MTAP: variants seen among roughly 807,000 people sequenced by gnomAD.
The protein encoded by MTAP is methylthioadenosine phosphorylase, also known as S-methyl-5'-thioadenosine phosphorylase.
In MTAP, 33 loss-of-function variants were observed where a neutral mutation model predicts 33.6. The ratio of observed to expected loss-of-function variants is 0.98; its 90% confidence interval spans 0.74 to 1.31. The LOEUF (loss-of-function observed/expected upper bound fraction) is 1.31. Among genes scored for constraint, MTAP ranks in the 40% most tolerant of loss-of-function variants. MTAP has a pLI of 0.00. For missense variants in MTAP, 367 were observed against 360.0 expected, an observed-to-expected ratio of 1.02 and a Z score of -0.16; for synonymous variants, 148 against 125.7, an observed-to-expected ratio of 1.18 and a Z score of -1.19.
intron 1 of MTAP, among the ~76,000 whole-genome samples, chr9:21,918,210 C>T (rs10811636): frequency 0.28 from 39,585 of 141,224 alleles, 7,576 homozygotes; most frequent in East Asian, 0.56. Context: ...ATTAGCCGGG[C>T]GTAGTGGCGG....
chr9:21,815,589 T>C (rs779609866), intron 2 of MTAP, 70 bp downstream of exon 2: 2 of 647,548 alleles, frequency 3.1e-6, no homozygotes, highest in African/African-American at 6.6e-5. Flanking sequence ...GATTTTTGAA[T>C]TAAAAAAAAA....
chr9:21,816,821 A>G, intron 3 of MTAP, 49 bp downstream of exon 3: 2 of 1,485,862 alleles, frequency 1.3e-6, no homozygotes, highest in Non-Finnish European at 1.8e-6. Flanking sequence ...GATAATTTAA[A>G]TTTAACTTAA....
chr9:21,896,536 A>T (rs989233460), intron 1 of MTAP, among the ~76,000 whole-genome samples: 1 of 152,110 alleles, frequency 6.6e-6, no homozygotes, highest in African/African-American at 2.4e-5. Flanking sequence ...TAGATGCAAT[A>T]AAAAATGATA....
At chr9:21,915,371 G>A (rs766364037) in intron 1 of MTAP, among the ~76,000 whole-genome samples, 1 of 152,022 alleles carries the variant, frequency 6.6e-6, no homozygotes, top group Non-Finnish European at 1.5e-5. Flanking sequence ...GATTACAGGT[G>A]TCAGCCACCC....
At chr9:21,815,590 T>TAAAAA (rs4007652) in intron 2 of MTAP, 71 bp downstream of exon 2, 261 of 757,378 alleles carry the variant, frequency 3.4e-4, no homozygotes, top group Non-Finnish European at 4.2e-4. Context: ...ATTTTTGAAT[T>TAAAAA]AAAAAAAAAA....
At chr9:21,926,506 C>T (rs1042514828) in intron 1 of MTAP, among the ~76,000 whole-genome samples, 4 of 152,150 alleles carry the variant, frequency 2.6e-5, no homozygotes, top group Non-Finnish European at 5.9e-5. Flanking sequence ...AAGATGCTTT[C>T]TTTTGTGTCT....
chr9:21,849,054 C>G (rs188675610), intron 5 of MTAP, among the ~76,000 whole-genome samples: 311 of 151,564 alleles, frequency 2.1e-3, no homozygotes, highest in Non-Finnish European at 3.6e-3. Flanking sequence ...GCAGAAACTT[C>G]TAGGTCAAAT....
intron 1 of MTAP, chr9:21,808,835 CT>C (rs2117935848): frequency 6.6e-6 from 1 of 152,200 alleles, no homozygotes; most frequent in South Asian, 2.1e-4. Context: ...AGAAAACAGA[CT>C]AAGAAAAATG....
chr9:21,809,205 G>A (rs1824283330), intron 1 of MTAP, among the ~76,000 whole-genome samples: 1 of 152,020 alleles, frequency 6.6e-6, no homozygotes, highest in Non-Finnish European at 1.5e-5. Flanking sequence ...AGGTAATCTA[G>A]GATAATCTCC....
intron 2 of MTAP, 74 bp from the exon 3 acceptor site, chr9:21,816,640 G>T: frequency 2.3e-6 from 3 of 1,318,792 alleles, no homozygotes; most frequent in Non-Finnish European, 3.2e-6. Flanking sequence ...GAGTCCTGTT[G>T]TGGTTGAACA....
intron 4 of MTAP, among the ~76,000 whole-genome samples, chr9:21,832,067 A>G (rs527897602): frequency 1.3e-5 from 2 of 152,174 alleles, no homozygotes; most frequent in African/African-American, 2.4e-5. Flanking sequence ...ATTGATTCCT[A>G]AAAGTTCTGG....
chr9:21,883,125 GA>G (rs141709892), intron 1 of MTAP, among the ~76,000 whole-genome samples: 81 of 138,706 alleles, frequency 5.8e-4, no homozygotes, highest in African/African-American at 2.0e-3. Context: ...ACTTATAACT[GA>G]AAAAAAAAAC....
At chr9:21,883,467 G>C (rs1223219385) in intron 1 of MTAP, among the ~76,000 whole-genome samples, 1 of 152,130 alleles carries the variant, frequency 6.6e-6, no homozygotes, top group East Asian at 1.9e-4. Flanking sequence ...AGAAAATAAT[G>C]TGACATTATC....
intron 1 of MTAP, among the ~76,000 whole-genome samples, chr9:21,910,801 C>T (rs916645550): frequency 4.6e-5 from 7 of 152,086 alleles, no homozygotes; most frequent in Non-Finnish European, 8.8e-5. Flanking sequence ...GTATTTCCAT[C>T]GCTCTCCAAA....
chr9:21,921,087 G>A (rs1818779700), intron 1 of MTAP, among the ~76,000 whole-genome samples: 1 of 151,934 alleles, frequency 6.6e-6, no homozygotes, highest in South Asian at 2.1e-4. Flanking sequence ...TTACTTGTTT[G>A]TTCAAGTTAT....
At chr9:21,818,553 A>G (rs972611755) in intron 4 of MTAP, among the ~76,000 whole-genome samples, 2 of 151,908 alleles carry the variant, frequency 1.3e-5, no homozygotes, top group Non-Finnish European at 2.9e-5. Flanking sequence ...GTCTTGAATC[A>G]GGAGATCACC....
At chr9:21,912,315 CAG>C (rs1436269371) in intron 1 of MTAP, among the ~76,000 whole-genome samples, 2 of 152,150 alleles carry the variant, frequency 1.3e-5, no homozygotes, top group Non-Finnish European at 2.9e-5. Flanking sequence ...CAAAGCCTGG[CAG>C]AGACACAACA....
At position 21,866,832 on chromosome 9, in the gene MTAP, C is replaced by A. The variant is rs1028881292; in HGVS notation, c.*4818C>A. The A allele has an allele frequency of 6.6e-6, 1 of 152,002 alleles. No homozygotes were observed. The highest frequency in any genetic ancestry group is 1.5e-5 in the Non-Finnish European group (1 of 67,962). 9.4% of individuals were successfully genotyped at this position (152,002 alleles called of 1,614,324 possible). A position where few individuals can be genotyped will look rare whatever the true frequency, so the allele number is the denominator to read the frequency against. ...AATTGACAATATTGAACCTTTCAAT[C>A]GATGGACATGGTATGTTTCTGCATT... On this transcript the variant is annotated 3_prime_UTR_variant, in exon 8 of 8. Transcript: ENST00000644715.
At chr9:21,842,101 A>C (rs142691231) in intron 5 of MTAP, among the ~76,000 whole-genome samples, 190 of 152,328 alleles carry the variant, frequency 1.2e-3, no homozygotes, top group Non-Finnish European at 2.3e-3. Flanking sequence ...AGCTTCAGGA[A>C]ATGAAAGACA....
Sources: allele counts gnomAD v4.1 joint callset (sites outside exome capture counted in the v4.1 genomes callset), GRCh38; gene constraint gnomAD v4.1.1; transcripts MANE v1.5; gene names NCBI Gene and HGNC (gene_info 2026-07-23, HGNC 2026-07-21).